Variants in CAMK4 observed in about 807,000 individuals in gnomAD.
The protein encoded by CAMK4 is calcium/calmodulin dependent protein kinase IV, also known as calcium/calmodulin-dependent protein kinase type IV.
CAMK4 carries 22 observed loss-of-function variants against 44.9 expected under a neutral mutation model. That is an observed-to-expected ratio of 0.49 (90% CI 0.35 to 0.70). The LOEUF is 0.70. Ranked by LOEUF, CAMK4 falls within the 30% of genes least tolerant of loss-of-function variation. CAMK4 has a pLI of 0.01. For missense variants in CAMK4, 498 were observed against 586.8 expected, an observed-to-expected ratio of 0.85 and a Z score of 1.56; for synonymous variants, 218 against 215.4, an observed-to-expected ratio of 1.01 and a Z score of -0.11.
At chr5:111,287,578 T>C (rs537918271) in intron 1 of CAMK4, among the ~76,000 whole-genome samples, 9 of 152,330 alleles carry the variant, frequency 5.9e-5, no homozygotes, top group African/African-American at 1.9e-4. Context: ...AGTCATATTG[T>C]TTTGACTTTT....
Position 111,482,712 on chromosome 5 carries a change from A to AGGGCTGCCC in CAMK4, c.829-73_829-72insGGGCTGCCC. On this transcript the variant is annotated intron_variant, in intron 9 of 10. Coordinates refer to ENST00000282356, the MANE Select transcript of CAMK4 (RefSeq NM_001744.6). The surrounding 1 kb of genome is among the most constrained non-coding windows in gnomAD (Gnocchi z 4.9). ...TGCTGGGAAATGGAATAAGATCTGGAAGTTTGTAAGCTGAGGGCAAGCCCA... is the reference window on the plus strand; with the variant it reads ...TGCTGGGAAATGGAATAAGATCTGGAGGGCTGCCCAGTTTGTAAGCTGAGGGCAAGCCCA... 1 of 1,235,884 alleles carries AGGGCTGCCC rather than the reference A, an allele frequency of 8.1e-7. No homozygotes were observed. Among genetic ancestry groups the AGGGCTGCCC allele is most frequent in the Non-Finnish European group, 1.1e-6 (1 of 877,596 alleles). The allele number at this position is 1,235,884 out of a possible 1,614,324, so 76.6% of individuals were successfully genotyped here.
At chr5:111,310,251 C>G (rs995692625) in intron 1 of CAMK4, among the ~76,000 whole-genome samples, 2 of 152,196 alleles carry the variant, frequency 1.3e-5, no homozygotes, top group South Asian at 2.1e-4. Context: ...CACCTCCATT[C>G]TCTAGTAAAC....
At chr5:111,252,834 AG>A (rs964339587) in intron 1 of CAMK4, among the ~76,000 whole-genome samples, 2 of 152,236 alleles carry the variant, frequency 1.3e-5, no homozygotes, top group African/African-American at 4.8e-5. Context: ...AGTTTTTGGT[AG>A]GGGTGAAAAC....
At chr5:111,452,902 T>C (rs1309443441) in intron 7 of CAMK4, among the ~76,000 whole-genome samples, 1 of 152,152 alleles carries the variant, frequency 6.6e-6, no homozygotes, top group Non-Finnish European at 1.5e-5. Context: ...GGCATGGGGG[T>C]TGGAAGGTAG....
chr5:111,377,774 G>A (rs932142523), intron 4 of CAMK4, among the ~76,000 whole-genome samples: 37 of 152,006 alleles, frequency 2.4e-4, no homozygotes, highest in Non-Finnish European at 4.4e-5. Flanking sequence ...TGCGTGAATG[G>A]AAAAGTTTTG....
intron 5 of CAMK4, among the ~76,000 whole-genome samples, chr5:111,402,209 G>A (rs1231108710): frequency 6.6e-6 from 1 of 152,234 alleles, no homozygotes; most frequent in Non-Finnish European, 1.5e-5. Flanking sequence ...CAAATGGAGA[G>A]CCAACTGGAG....
At chr5:111,258,124 C>T (rs428275) in intron 1 of CAMK4, among the ~76,000 whole-genome samples, 3 of 152,094 alleles carry the variant, frequency 2.0e-5, no homozygotes, top group Non-Finnish European at 4.4e-5. Context: ...ACCTATGTAA[C>T]AAACCCACAC....
chr5:111,471,514 A>T (rs1215676578), intron 7 of CAMK4, among the ~76,000 whole-genome samples: 2 of 152,320 alleles, frequency 1.3e-5, no homozygotes, highest in African/African-American at 4.8e-5. Flanking sequence ...CCCAAGCTTT[A>T]CCATAAATTT....
At chr5:111,224,263 G>A, upstream of CAMK4, 2 of 450,640 alleles carry the variant, frequency 4.4e-6, no homozygotes, top group Non-Finnish European at 3.6e-6. This position sits in a 1 kb window ranked among gnomAD's most constrained non-coding sequence, Gnocchi z 5.7. Flanking sequence ...TCCCTCCAGC[G>A]GGCGGCGACT....
At chr5:111,369,492 CAATT>C (rs1003970715) in intron 2 of CAMK4, among the ~76,000 whole-genome samples, 5 of 151,890 alleles carry the variant, frequency 3.3e-5, no homozygotes, top group East Asian at 3.9e-4. Flanking sequence ...ACATAAATAA[CAATT>C]AAATTAAAAT....
intron 1 of CAMK4, among the ~76,000 whole-genome samples, chr5:111,230,612 G>A (rs1748423138): frequency 6.7e-6 from 1 of 150,330 alleles, no homozygotes; most frequent in Non-Finnish European, 1.5e-5. Context: ...AAACTGTTCT[G>A]GAGAACTTGA....
At chr5:111,343,503 C>A (rs1749729008) in intron 1 of CAMK4, among the ~76,000 whole-genome samples, 1 of 151,662 alleles carries the variant, frequency 6.6e-6, no homozygotes, top group African/African-American at 2.4e-5. Context: ...TATTGAATGC[C>A]TTCTTACCAT....
At chr5:111,357,783 G>C (rs567670476) in intron 2 of CAMK4, among the ~76,000 whole-genome samples, 33 of 152,160 alleles carry the variant, frequency 2.2e-4, no homozygotes, top group African/African-American at 7.0e-4. Flanking sequence ...AATAAGAATG[G>C]AACCCACACT....
chr5:111,297,876 C>T (rs1747556346), intron 1 of CAMK4, among the ~76,000 whole-genome samples: 2 of 152,156 alleles, frequency 1.3e-5, no homozygotes, highest in Non-Finnish European at 2.9e-5. Context: ...GTTGTGTTAG[C>T]TCATTTAAAA....
At chr5:111,475,184 C>G (rs1054959308) in intron 8 of CAMK4, among the ~76,000 whole-genome samples, 6 of 151,842 alleles carry the variant, frequency 4.0e-5, no homozygotes, top group Non-Finnish European at 5.9e-5. Context: ...CAAAACAAAA[C>G]AAAAGAAAAA....
rs1755648116 is a variant in CAMK4 at position 111,486,816 on chromosome 5, T to G, written c.*2350T>G. The G allele has an allele frequency of 6.6e-6, 1 of 152,124 alleles. No individual in the cohort carries two copies. Among genetic ancestry groups the G allele is most frequent in the South Asian group, 2.1e-4 (1 of 4,826 alleles). 9.4% of individuals were successfully genotyped at this position (152,124 alleles called of 1,614,324 possible). On this transcript the variant is annotated 3_prime_UTR_variant, in exon 11 of 11. Coordinates refer to ENST00000282356, the MANE Select transcript of CAMK4 (RefSeq NM_001744.6). Reference sequence around the variant, plus strand: ...CCATTCCTCCATGTGAGTACTCGAGTTGATAATTCCCTCTATCTTTTTAAA... The same window carrying G: ...CCATTCCTCCATGTGAGTACTCGAGGTGATAATTCCCTCTATCTTTTTAAA...
intron 1 of CAMK4, among the ~76,000 whole-genome samples, chr5:111,301,792 T>C (rs1387066161): frequency 6.6e-6 from 1 of 152,226 alleles, no homozygotes; most frequent in Admixed American, 6.5e-5. Context: ...CATTTATAGA[T>C]TAAGTTTTAT....
At chr5:111,448,343 G>A (rs2112975839) in intron 6 of CAMK4, among the ~76,000 whole-genome samples, 1 of 152,268 alleles carries the variant, frequency 6.6e-6, no homozygotes, top group Non-Finnish European at 1.5e-5. Context: ...TGATGTTTCT[G>A]TTAATTCTCG....
chr5:111,316,424 ACCTTCTTTT>A (rs1434712775), intron 1 of CAMK4, among the ~76,000 whole-genome samples: 1 of 152,128 alleles, frequency 6.6e-6, no homozygotes, highest in African/African-American at 2.4e-5. Flanking sequence ...TTGAGTTGTA[ACCTTCTTTT>A]CCTTCTTTTC....
Sources: gnomAD v4.1 joint callset for allele counts (sites outside exome capture counted in the v4.1 genomes callset) on GRCh38, gnomAD v4.1.1 for gene constraint, Gnocchi (gnomAD v3.1) non-coding constraint, MANE v1.5 for transcripts, NCBI Gene and HGNC (gene_info 2026-07-23, HGNC 2026-07-21) for gene names.